ZNF222: variants seen among roughly 807,000 people sequenced by gnomAD.
ZNF222 encodes zinc finger protein 222.
In ZNF222, 8 loss-of-function variants were observed where a neutral mutation model predicts 11.6. The observed-to-expected ratio is 0.69, with a 90% CI of 0.41 to 1.25. The LOEUF is 1.25. Ranked by LOEUF, ZNF222 falls within the 50% of genes most tolerant of loss-of-function variation. The pLI is 0.01. For missense variants in ZNF222, 483 were observed against 576.1 expected (o/e 0.84, Z 1.65); for synonymous variants, 171 against 195.6 (o/e 0.87, Z 1.05).
At position 44,032,390 on chromosome 19, in the gene ZNF222, T is replaced by C. The variant is rs1976525142; in HGVS notation, c.836T>C (p.Met279Thr). The C allele has an allele frequency of 5.0e-6, 8 of 1,614,192 alleles. No homozygotes were observed. The highest frequency in any genetic ancestry group is 5.9e-6 in the Non-Finnish European group (7 of 1,180,044). ...YNCEKCGKAF[M>T]HNFQLQKHHR... ...TGTGAGAAATGTGGGAAGGCTTTCA[T>C]GCACAATTTCCAGCTTCAGAAACAT... The change falls in exon 4 of 4, where the codon ATG (methionine) becomes ACG (threonine). Residue 279 changes from methionine to threonine, a missense_variant. Transcript: ENST00000391960.
intron 1 of ZNF222, among the ~76,000 whole-genome samples, chr19:44,026,612 A>G (rs992793115): frequency 6.7e-6 from 1 of 148,524 alleles, no homozygotes; most frequent in African/African-American, 2.5e-5. Context: ...CAGTGGTGCA[A>G]TCTTGGCTCA....
chr19:44,029,336 A>T (rs951804613), intron 3 of ZNF222, among the ~76,000 whole-genome samples: 3 of 151,786 alleles, frequency 2.0e-5, no homozygotes, highest in Admixed American at 1.3e-4. Context: ...TCATGACCAC[A>T]TTGAGAAACA....
intron 3 of ZNF222, among the ~76,000 whole-genome samples, chr19:44,028,972 G>A (rs1976436650): frequency 6.6e-6 from 1 of 152,034 alleles, no homozygotes; most frequent in South Asian, 2.1e-4. Flanking sequence ...GTCTATATTA[G>A]GTATAACACC....
At position 44,025,889 on chromosome 19, in the gene ZNF222, C is replaced by A; in HGVS notation, c.42+411C>A. The A allele has an allele frequency of 1.2e-6, 1 of 855,100 alleles. No homozygotes were observed. The highest frequency in any genetic ancestry group is 1.8e-5 in the South Asian group (1 of 54,454). The allele number at this position is 855,100 out of a possible 1,614,324, so 53.0% of individuals were successfully genotyped here. ...AGCTCCAGCTGCAGGGGCGCCGGCC[C>A]TTCTGCCTGATCCCTGCAGGACGCT... On this transcript the variant is annotated intron_variant, in intron 1 of 3. Transcript: ENST00000391960. The surrounding 1 kb of genome is among the most constrained non-coding windows in gnomAD (Gnocchi z 4.6).
Position 44,032,205 on chromosome 19 carries a change from G to A in ZNF222, c.651G>A (p.Val217=). The part of the protein sequence containing the change: ...HMGVKCYKCD[V]CGKEFSQSSR... ...GAGTGAAATGCTATAAGTGTGATGT[G>A]TGTGGTAAGGAATTTAGTCAGAGCT... Residue 217 remains valine, a synonymous_variant, in exon 4 of 4, where the codon GTG becomes GTA. Transcript: ENST00000391960. 5.0e-6 allele frequency: 8 copies of A among 1,614,244 alleles called. No homozygotes were observed. The highest frequency in any genetic ancestry group is 1.6e-4 in the Middle Eastern group (1 of 6,062).
At chr19:44,027,855 G>C (rs890990721) in intron 3 of ZNF222, among the ~76,000 whole-genome samples, 1 of 152,020 alleles carries the variant, frequency 6.6e-6, no homozygotes, top group Non-Finnish European at 1.5e-5. Context: ...CAGGCACCTT[G>C]TCCTCCCTGC....
chr19:44,028,526 C>G (rs1165069156), intron 3 of ZNF222: 1 of 339,072 alleles, frequency 2.9e-6, no homozygotes, highest in African/African-American at 2.1e-5. Context: ...AGGTCGTCTC[C>G]AAGCACCTTA....
chr19:44,032,110 A>G lies in ZNF222; in HGVS notation c.556A>G (p.Thr186Ala), dbSNP rs754304668. The part of the protein sequence containing the change: ...QQLYSGEKSH[T>A]CDECGKSFCY... ...GTTATATTCAGGAGAGAAGTCTCAT[A>G]CCTGTGATGAGTGTGGAAAAAGCTT... The change falls in exon 4 of 4, where the codon ACC (threonine) becomes GCC (alanine). Residue 186 changes from threonine to alanine, a missense_variant. Physicochemically the swap from Thr to Ala is moderately conservative, Grantham distance 58. Coordinates refer to ENST00000391960, the MANE Select transcript of ZNF222 (RefSeq NM_001129996.2). 6.2e-7 allele frequency: 1 copy of G among 1,614,218 alleles called. No homozygotes were observed. The highest frequency in any genetic ancestry group is 1.1e-5 in the South Asian group (1 of 91,090).
At chr19:44,026,226 A>C in intron 1 of ZNF222, 3 of 820,072 alleles carry the variant, frequency 3.7e-6, no homozygotes, top group Non-Finnish European at 5.9e-6. Context: ...TATACCCCAA[A>C]ATACATGATC....
In ZNF222 at chr19:44,025,497, G is replaced by T. The variant is rs146288259; in HGVS notation, c.42+19G>T. On this transcript the variant is annotated intron_variant, in intron 1 of 3. Coordinates refer to ENST00000391960, the MANE Select transcript of ZNF222 (RefSeq NM_001129996.2). The surrounding 1 kb of genome is among the most constrained non-coding windows in gnomAD (Gnocchi z 4.6). ...AGCAGAGGTTTGGAGGGGCGCGGGC[G>T]GGGATTGCCGTTCCAGTCAGCTGAG... The T allele has an allele frequency of 1.9e-3, 2,990 of 1,542,464 alleles. 9 individuals are homozygous for T. The highest frequency in any genetic ancestry group is 2.4e-3 in the Non-Finnish European group (2,715 of 1,142,810).
chr19:44,029,719 G>A (rs1192471106), intron 3 of ZNF222, among the ~76,000 whole-genome samples: 1 of 152,094 alleles, frequency 6.6e-6, no homozygotes, highest in Non-Finnish European at 1.5e-5. Context: ...TGTACTGAAA[G>A]GTACATACTT....
chr19:44,029,186 G>GTTTTTTTTTTTTTTTTTTT (rs1364529196), intron 3 of ZNF222, among the ~76,000 whole-genome samples: 1 of 97,852 alleles, frequency 1.0e-5, no homozygotes, highest in Non-Finnish European at 2.1e-5. Flanking sequence ...GGTTTGTTTT[G>GTTTTTTTTTTTTTTTTTTT]TTTTGTTTTT....
At position 44,032,582 on chromosome 19, in the gene ZNF222, A is replaced by G. The variant is rs1328848109; in HGVS notation, c.1028A>G (p.His343Arg). The stretch of plus-strand genomic sequence containing the variant: ...ATTGATAGGCTAGATTTGCATAAGC[A>G]TCAGATGATTCATATGGGACAGAAA... ...GFIDRLDLHK[H>R]QMIHMGQKPY... Residue 343 changes from histidine (H) to arginine (R), a missense_variant, in exon 4 of 4, where the codon CAT becomes CGT. Coordinates refer to ENST00000391960, the MANE Select transcript of ZNF222 (RefSeq NM_001129996.2). The G allele has an allele frequency of 6.2e-7, 1 of 1,614,226 alleles. No homozygotes were observed. The highest frequency in any genetic ancestry group is 8.5e-7 in the Non-Finnish European group (1 of 1,180,046).
At chr19:44,030,244 T>C (rs1976474000) in intron 3 of ZNF222, among the ~76,000 whole-genome samples, 1 of 152,218 alleles carries the variant, frequency 6.6e-6, no homozygotes. Flanking sequence ...ATAACCAAGT[T>C]ACTTACTATC....
chr19:44,029,696 C>T (rs552554248), intron 3 of ZNF222, among the ~76,000 whole-genome samples: 44 of 152,246 alleles, frequency 2.9e-4, no homozygotes, highest in African/African-American at 1.0e-3. Context: ...TTAAATATAT[C>T]CATGTACTAC....
Position 44,032,907 on chromosome 19 carries a change from C to G in ZNF222, c.1353C>G (p.Tyr451Ter). Residue 451 changes from tyrosine (Y) to a stop codon, truncating the protein, a stop_gained, in exon 4 of 4, where the codon TAC becomes TAG. Transcript: ENST00000391960. LOFTEE classifies it low-confidence loss of function (END_TRUNC). ...GAAAGAGGCTTGTATGCCGGTCATA[C>G]TGTAAAGACCAACAAAGAGACCACA... Reference protein sequence around the residue: ...DCGKRLVCRSYCKDQQRDHSG... With the variant: ...DCGKRLVCRS The G allele has an allele frequency of 1.2e-6, 2 of 1,613,470 alleles. No individual in the cohort carries two copies. Among genetic ancestry groups the G allele is most frequent in the Non-Finnish European group, 1.7e-6 (2 of 1,179,882 alleles).
intron 3 of ZNF222, among the ~76,000 whole-genome samples, chr19:44,030,307 T>C (rs1976475597): frequency 6.6e-6 from 1 of 152,182 alleles, no homozygotes; most frequent in South Asian, 2.1e-4. Flanking sequence ...TGTAAAATTA[T>C]TGTGGGGGAA....
intron 3 of ZNF222, among the ~76,000 whole-genome samples, chr19:44,029,177 G>GTTTTTTTTTTTTT (rs1568503536): frequency 7.9e-6 from 1 of 125,912 alleles, no homozygotes; most frequent in African/African-American, 3.2e-5. Flanking sequence ...ACAGTTGTTG[G>GTTTTTTTTTTTTT]TTTGTTTTGT....
At position 44,025,601 on chromosome 19, in the gene ZNF222, C is replaced by T. The variant is rs1327013274; in HGVS notation, c.42+123C>T. On this transcript the variant is annotated intron_variant, in intron 1 of 3. Coordinates refer to ENST00000391960, the MANE Select transcript of ZNF222 (RefSeq NM_001129996.2). This position sits in a 1 kb window ranked among gnomAD's most constrained non-coding sequence, Gnocchi z 4.6. ...CCCGGTGTGCCCTACTTTGACCTCGCTTAGTCCGCCTCCCTCCTCCCTACG... is the reference window on the plus strand; with the variant it reads ...CCCGGTGTGCCCTACTTTGACCTCGTTTAGTCCGCCTCCCTCCTCCCTACG... 1.0e-6 allele frequency: 1 copy of T among 991,692 alleles called. No homozygotes were observed. Among genetic ancestry groups the T allele is most frequent in the Non-Finnish European group, 1.5e-6 (1 of 689,334 alleles). 61.4% of individuals were successfully genotyped at this position (991,692 alleles called of 1,614,324 possible).
Sources: allele counts gnomAD v4.1 joint callset (sites outside exome capture counted in the v4.1 genomes callset), GRCh38; gene constraint gnomAD v4.1.1; non-coding constraint Gnocchi (gnomAD v3.1); transcripts MANE v1.5; gene names NCBI Gene and HGNC (gene_info 2026-07-23, HGNC 2026-07-21).